The following LONP1 variants were observed in gnomAD, a reference collection of about 807,000 sequenced individuals.
LONP1 encodes lon protease homolog, mitochondrial.
In LONP1, 31 loss-of-function variants were observed where a neutral mutation model predicts 98.5. The observed-to-expected ratio is 0.31, with a 90% CI of 0.24 to 0.42. The LOEUF (loss-of-function observed/expected upper bound fraction) is 0.42. LONP1 is among the 20% of genes least tolerant of loss of function. The pLI is 1.00. For synonymous variants in LONP1, 781 were observed against 594.7 expected (o/e 1.31, Z -4.56); for missense variants, 1,336 against 1,350.6 (o/e 0.99, Z 0.17).
chr19:5,717,480 T>A (rs1468123714), intron 1 of LONP1: 1 of 152,238 alleles, frequency 6.6e-6, no homozygotes, highest in Non-Finnish European at 1.5e-5. Context: ...TTAACTCTCC[T>A]GGCTAGCTCC....
At chr19:5,713,066 G>A in intron 3 of LONP1, 68 bp downstream of exon 3, 1 of 1,605,638 alleles carries the variant, frequency 6.2e-7, no homozygotes. Context: ...TGGGGCATAA[G>A]GCATCCTGGC....
chr19:5,716,255 TATAC>T lies in LONP1; in HGVS notation c.430-1988_430-1985del, dbSNP rs1417687341. Among the ~76,000 whole-genome samples the T allele has an allele frequency of 3.4e-3, 289 of 83,892 alleles. 5 individuals carry two copies. Among genetic ancestry groups the T allele is most frequent in the East Asian group, 0.015 (44 of 2,852 alleles). The allele number at this position is 83,892 out of a possible 152,430, so 55.0% of individuals were successfully genotyped here. A position where few individuals can be genotyped will look rare whatever the true frequency, so the allele number is the denominator to read the frequency against. ...TCTTTATTATATAATAAAGTTAAAA[TATAC>T]ATATATATATATATATATATATATA... is the stretch of plus-strand genomic sequence containing the variant. On this transcript the variant is annotated intron_variant, in intron 1 of 17. Transcript: ENST00000360614.
In LONP1 at chr19:5,705,340, C is replaced by T. The variant is rs187799709; in HGVS notation, c.1367+432G>A. 2.6e-5 allele frequency among the ~76,000 whole-genome samples: 4 copies of T among 152,128 alleles called. No homozygotes were observed. The East Asian group carries it at 7.7e-4, about 29-fold the overall frequency. On this transcript the variant is annotated intron_variant, in intron 8 of 17. Transcript: ENST00000360614. ...AGGCGTGGTGGTGCATGCCTATAGT[C>T]CCAGATACTTGGGGGACTGAAGCAG...
At chr19:5,717,891 C>CTTTCTTTTT (rs1555714412) in intron 1 of LONP1, among the ~76,000 whole-genome samples, 1 of 133,264 alleles carries the variant, frequency 7.5e-6, no homozygotes, top group Non-Finnish European at 1.6e-5. Context: ...TTCTTTCTTT[C>CTTTCTTTTT]TTTTTTTTTT....
At chr19:5,714,599 G>GC in intron 1 of LONP1, among the ~76,000 whole-genome samples, 1 of 146,034 alleles carries the variant, frequency 6.8e-6, no homozygotes, top group Non-Finnish European at 1.5e-5. Context: ...GCCACCAAAC[G>GC]CAGCACAGGG....
intron 1 of LONP1, 24 bp downstream of exon 1, chr19:5,719,680 G>A (rs778978480): frequency 3.7e-6 from 6 of 1,613,614 alleles, no homozygotes; most frequent in East Asian, 2.2e-5. Flanking sequence ...GGAAACCTGA[G>A]GCCGAGGCGG....
chr19:5,704,581 G>A (rs182728214), intron 8 of LONP1, among the ~76,000 whole-genome samples: 23 of 152,350 alleles, frequency 1.5e-4, no homozygotes, highest in East Asian at 5.8e-4. Flanking sequence ...CTGCCCTGGC[G>A]TGACAACTGG....
At chr19:5,697,778 G>T (rs2054967552) in intron 10 of LONP1, among the ~76,000 whole-genome samples, 1 of 151,962 alleles carries the variant, frequency 6.6e-6, no homozygotes, top group South Asian at 2.1e-4. Flanking sequence ...CAGGAACCCA[G>T]AGACGTCAGC....
chr19:5,692,358 C>G (rs530216036), intron 17 of LONP1, 150 bp from the exon 18 acceptor site: 1 of 669,114 alleles, frequency 1.5e-6, no homozygotes, highest in South Asian at 2.3e-5. Context: ...CCAGGGTCCC[C>G]GTCTCCCACG....
intron 8 of LONP1, among the ~76,000 whole-genome samples, chr19:5,703,026 A>C (rs2055083596): frequency 6.6e-6 from 1 of 151,740 alleles, no homozygotes; most frequent in Non-Finnish European, 1.5e-5. Flanking sequence ...AAAAAAAAAA[A>C]AAAAATTAGC....
At chr19:5,710,810 G>A (rs1259518167) in intron 4 of LONP1, among the ~76,000 whole-genome samples, 1 of 152,122 alleles carries the variant, frequency 6.6e-6, no homozygotes, top group Non-Finnish European at 1.5e-5. Flanking sequence ...CGGATCACCC[G>A]AGGTCAGGAG....
intron 1 of LONP1, among the ~76,000 whole-genome samples, chr19:5,716,577 GAA>G (rs529669635): frequency 1.4e-5 from 2 of 140,882 alleles, no homozygotes; most frequent in South Asian, 2.2e-4. Context: ...TCTGTTCCCA[GAA>G]AAAAAAAAGT....
chr19:5,717,362 C>G (rs546787639), intron 1 of LONP1: 1 of 152,320 alleles, frequency 6.6e-6, no homozygotes, highest in Admixed American at 6.5e-5. Flanking sequence ...TTGGCATCTG[C>G]CTCCTGGCCT....
intron 9 of LONP1, among the ~76,000 whole-genome samples, chr19:5,699,646 C>T (rs377179736): frequency 1.3e-5 from 2 of 151,616 alleles, no homozygotes; most frequent in East Asian, 1.9e-4. Flanking sequence ...CAACCTCAGC[C>T]TCCTGGGTTC....
chr19:5,696,511 G>A, intron 11 of LONP1, 140 bp from the exon 12 acceptor site: 2 of 1,333,938 alleles, frequency 1.5e-6, no homozygotes, highest in Non-Finnish European at 2.1e-6. Context: ...AGCCTGCTGG[G>A]CGTGGCTGTG....
Position 5,720,031 on chromosome 19 carries a change from T to C in LONP1, c.102A>G (p.Ala34=), listed in dbSNP as rs2055411219. The change falls in exon 1 of 18, where the codon GCA becomes GCG. Residue 34 remains alanine, a synonymous_variant. Transcript: ENST00000360614. ...GGCCTCGGAGCAACCACGCTCCTGCTGCAGTGGGAACCCGCCCCCCGGCGG... is the reference window on the plus strand; with the variant it reads ...GGCCTCGGAGCAACCACGCTCCTGCCGCAGTGGGAACCCGCCCCCCGGCGG... ...LAAAGGRVPT[A]AGAWLLRGQR... 3.2e-6 allele frequency: 5 copies of C among 1,559,834 alleles called. No individual in the cohort carries two copies. The highest frequency in any genetic ancestry group is 4.3e-6 in the Non-Finnish European group (5 of 1,156,260).
chr19:5,716,448 C>T (rs965599091), intron 1 of LONP1, among the ~76,000 whole-genome samples: 2 of 150,736 alleles, frequency 1.3e-5, no homozygotes, highest in Admixed American at 6.6e-5. Flanking sequence ...CACATGATGC[C>T]GATGCTGCTG....
chr19:5,699,563 T>TG (rs1027437597), intron 9 of LONP1, among the ~76,000 whole-genome samples: 1 of 149,062 alleles, frequency 6.7e-6, no homozygotes, highest in African/African-American at 2.5e-5. Flanking sequence ...CTGTTTTTTT[T>TG]TTTTTTTTTT....
intron 10 of LONP1, 38 bp from the exon 11 acceptor site, chr19:5,696,795 C>T (rs994420325): frequency 4.1e-6 from 6 of 1,447,548 alleles, no homozygotes; most frequent in Non-Finnish European, 5.8e-6. Flanking sequence ...CACTTGGTAG[C>T]CTGGCTCGGC....
Sources: allele counts gnomAD v4.1 joint callset (sites outside exome capture counted in the v4.1 genomes callset), GRCh38; gene constraint gnomAD v4.1.1; transcripts MANE v1.5; gene names NCBI Gene and HGNC (gene_info 2026-07-23, HGNC 2026-07-21).